Variants in MYO16 observed in about 807,000 individuals in gnomAD.
The protein encoded by MYO16 is myosin XVI, also known as unconventional myosin-XVI.
A neutral mutation model predicts 205.3 loss-of-function variants in MYO16; 94 were observed. That is an observed-to-expected ratio of 0.46 (90% CI 0.39 to 0.54). MYO16 has a LOEUF of 0.54. Ranked by LOEUF, MYO16 falls within the 20% of genes least tolerant of loss-of-function variation. The pLI, the probability that MYO16 is intolerant of heterozygous loss-of-function variation, is 0.00. For synonymous variants in MYO16, 988 were observed against 954.0 expected (o/e 1.04, Z -0.66); for missense variants, 2,315 against 2,387.5 (o/e 0.97, Z 0.63).
At chr13:108,691,236 G>A (rs1041878189) in intron 2 of MYO16, among the ~76,000 whole-genome samples, 20 of 151,904 alleles carry the variant, frequency 1.3e-4, no homozygotes, top group African/African-American at 3.9e-4. Context: ...AAAGTGTCTC[G>A]GTGCCACTTC....
chr13:108,578,599 C>T, the MYO16 span, among the ~76,000 whole-genome samples: 1 of 152,182 alleles, frequency 6.6e-6, no homozygotes, highest in East Asian at 1.9e-4. Context: ...GTGTCCTTGC[C>T]AGGGGTCCCA....
At position 108,861,829 on chromosome 13, in the gene MYO16, G is replaced by A. The variant is rs369563907; in HGVS notation, c.1360-4348G>A. Among the ~76,000 whole-genome samples, 9 of 151,066 alleles carry A rather than the reference G, an allele frequency of 6.0e-5. No homozygotes were observed. The South Asian group carries it at 8.4e-4, about 14-fold the overall frequency. Reference sequence around the variant, plus strand: ...CTTCTTGATATATAGGAGTTTTTATGTATTCACGATATTCTTTTTGTTGTG... The same window carrying A: ...CTTCTTGATATATAGGAGTTTTTATATATTCACGATATTCTTTTTGTTGTG... On this transcript the variant is annotated intron_variant, in intron 11 of 34. Transcript: ENST00000457511.
At chr13:108,811,066 T>C (rs1347875140) in intron 7 of MYO16, among the ~76,000 whole-genome samples, 2 of 152,190 alleles carry the variant, frequency 1.3e-5, no homozygotes, top group African/African-American at 2.4e-5. Context: ...ATGTATTTAC[T>C]ATATTTAGTA....
chr13:108,836,025 G>T (rs1402540324), intron 9 of MYO16, among the ~76,000 whole-genome samples: 1 of 152,184 alleles, frequency 6.6e-6, no homozygotes, highest in Non-Finnish European at 1.5e-5. Context: ...TGGGGAAAAT[G>T]TCTCCAGGGC....
At chr13:109,145,811 A>T (rs980885581) in intron 32 of MYO16, among the ~76,000 whole-genome samples, 1 of 152,250 alleles carries the variant, frequency 6.6e-6, no homozygotes, top group Non-Finnish European at 1.5e-5. Flanking sequence ...GTGAAATCAC[A>T]TGAGCATGTT....
intron 34 of MYO16, among the ~76,000 whole-genome samples, chr13:109,196,685 A>T (rs968925800): frequency 2.0e-5 from 3 of 152,182 alleles, no homozygotes; most frequent in Non-Finnish European, 4.4e-5. Flanking sequence ...TAAGGGCTCC[A>T]GTAATACTGC....
intron 4 of MYO16, among the ~76,000 whole-genome samples, chr13:108,760,800 T>C (rs541551182): frequency 7.6e-4 from 115 of 152,216 alleles, no homozygotes; most frequent in Middle Eastern, 3.4e-3. Flanking sequence ...TGTTAATCAA[T>C]CGCTTTTTAT....
chr13:108,863,429 CT>C (rs1266980391), intron 11 of MYO16, among the ~76,000 whole-genome samples: 1 of 151,946 alleles, frequency 6.6e-6, no homozygotes, highest in Admixed American at 6.6e-5. Flanking sequence ...TTATTAAATG[CT>C]TTATCTCTGT....
At chr13:109,198,073 A>C (rs1016477420) in intron 34 of MYO16, among the ~76,000 whole-genome samples, 1 of 152,182 alleles carries the variant, frequency 6.6e-6, no homozygotes, top group African/African-American at 2.4e-5. Flanking sequence ...TCTTGCAGGA[A>C]AAAGAAAATC....
At chr13:109,033,947 C>T (rs1406941305) in intron 23 of MYO16, among the ~76,000 whole-genome samples, 2 of 152,174 alleles carry the variant, frequency 1.3e-5, no homozygotes, top group Non-Finnish European at 2.9e-5. Flanking sequence ...TTGTCATTTT[C>T]TGCAGTGCTT....
intron 27 of MYO16, among the ~76,000 whole-genome samples, chr13:109,061,899 AT>A (rs751198201): frequency 2.6e-5 from 4 of 151,982 alleles, no homozygotes; most frequent in African/African-American, 7.2e-5. Flanking sequence ...CATTTAGTGT[AT>A]TTTTTTTCTG....
chr13:108,587,426 G>T, the MYO16 span, among the ~76,000 whole-genome samples: 1 of 151,972 alleles, frequency 6.6e-6, no homozygotes, highest in Non-Finnish European at 1.5e-5. Context: ...AGTTCTATTA[G>T]ACAATTGAGC....
At chr13:108,828,002 A>G (rs1024148086) in intron 9 of MYO16, among the ~76,000 whole-genome samples, 1 of 152,080 alleles carries the variant, frequency 6.6e-6, no homozygotes, top group African/African-American at 2.4e-5. Flanking sequence ...TTTTTTACTT[A>G]TTATTTGTAA....
chr13:108,620,669 AG>A (rs1879505976), intron 1 of MYO16, among the ~76,000 whole-genome samples: 1 of 152,192 alleles, frequency 6.6e-6, no homozygotes, highest in South Asian at 2.1e-4. Flanking sequence ...AGACAGGAAG[AG>A]GAGGACTCAC....
rs759163459 is a variant in MYO16 at position 109,046,938 on chromosome 13, C to G, written c.2819C>G (p.Ala940Gly). The G allele has an allele frequency of 1.2e-6, 2 of 1,609,994 alleles. No individual in the cohort carries two copies. Among genetic ancestry groups the G allele is most frequent in the Non-Finnish European group, 1.7e-6 (2 of 1,177,026 alleles). ...TAGGTAATGTATGATGTTGTTGGGGCGATTGAAAAAAATAAAGACTCCCTT... is the reference window on the plus strand; with the variant it reads ...TAGGTAATGTATGATGTTGTTGGGGGGATTGAAAAAAATAAAGACTCCCTT... Reference protein sequence around the residue: ...AGRVMYDVVGAIEKNKDSLSQ... With the variant: ...AGRVMYDVVGGIEKNKDSLSQ... The change falls in exon 24 of 35, where the codon GCG (alanine) becomes GGG (glycine). Residue 940 changes from alanine (A) to glycine (G), a missense_variant. Coordinates refer to ENST00000457511, the MANE Select transcript of MYO16 (RefSeq NM_001198950.3).
chr13:108,879,547 T>C (rs978249982), intron 12 of MYO16, among the ~76,000 whole-genome samples: 1 of 152,102 alleles, frequency 6.6e-6, no homozygotes, highest in Non-Finnish European at 1.5e-5. Context: ...GTGTGTGATG[T>C]TCCCCACCCT....
At chr13:109,092,373 C>T (rs1954133570) in intron 27 of MYO16, among the ~76,000 whole-genome samples, 1 of 151,632 alleles carries the variant, frequency 6.6e-6, no homozygotes, top group Non-Finnish European at 1.5e-5. Flanking sequence ...AAATGTGGTA[C>T]ATATATGCCA....
chr13:109,140,815 C>A lies in MYO16; in HGVS notation c.4603C>A (p.Pro1535Thr), dbSNP rs774921047. 6.3e-7 allele frequency: 1 copy of A among 1,591,230 alleles called. No homozygotes were observed. The highest frequency in any genetic ancestry group is 1.1e-5 in the South Asian group (1 of 88,542). The stretch of plus-strand genomic sequence containing the variant: ...CGCCTCCGACGAGTCGCCCCTGACA[C>A]CCCTGGAGGTGAAGAAGCTGCCAGT... The part of the protein sequence containing the change: ...SPASDESPLT[P>T]LEVKKLPVLE... Residue 1535 changes from proline to threonine, a missense_variant, in exon 32 of 35, where the codon CCC (proline) becomes ACC (threonine). Coordinates refer to ENST00000457511, the MANE Select transcript of MYO16 (RefSeq NM_001198950.3). The surrounding 1 kb of genome is among the most constrained non-coding windows in gnomAD (Gnocchi z 8.0).
intron 20 of MYO16, among the ~76,000 whole-genome samples, chr13:108,978,985 G>A (rs1246098014): frequency 6.6e-6 from 1 of 151,742 alleles, no homozygotes; most frequent in African/African-American, 2.4e-5. Context: ...GCTTTGTTTA[G>A]TAATCTTTTA....
Sources: gnomAD v4.1 joint callset for allele counts (sites outside exome capture counted in the v4.1 genomes callset) on GRCh38, gnomAD v4.1.1 for gene constraint, Gnocchi (gnomAD v3.1) non-coding constraint, MANE v1.5 for transcripts, NCBI Gene and HGNC (gene_info 2026-07-23, HGNC 2026-07-21) for gene names.